The following ALG9 variants were observed in gnomAD, a reference collection of about 807,000 sequenced individuals.
ALG9 encodes the protein alpha-1,2-mannosyltransferase ALG9.
Under a neutral mutation model 81.8 loss-of-function variants are expected in ALG9, and 55 were observed. That is an observed-to-expected ratio of 0.67 (90% CI 0.54 to 0.84). ALG9 has a LOEUF of 0.84. Ranked by LOEUF, ALG9 falls within the 40% of genes least tolerant of loss-of-function variation. ALG9 has a pLI of 0.00. For missense variants in ALG9, 629 were observed against 745.0 expected (o/e 0.84, Z 1.81); for synonymous variants, 278 against 274.3 (o/e 1.01, Z -0.13).
intron 14 of ALG9, 96 bp from the exon 15 acceptor site, chr11:111,786,616 AG>A: frequency 7.4e-7 from 1 of 1,343,240 alleles, no homozygotes; most frequent in South Asian, 1.3e-5. Context: ...ATCTGTAGTA[AG>A]GATTATATTT....
chr11:111,838,446 A>C, intron 10 of ALG9, 47 bp from the exon 11 acceptor site: 3 of 1,527,518 alleles, frequency 2.0e-6, no homozygotes, highest in Non-Finnish European at 2.7e-6. Flanking sequence ...ATTACAAGAC[A>C]TCACAGTAAC....
At position 111,868,666 on chromosome 11, in the gene ALG9, T is replaced by C. The variant is rs1963279563; in HGVS notation, c.341A>G (p.Tyr114Cys). ...EYSPAYAIRS[Y>C]AYLLLHAWPA... ...CCAGGCATGAAGCAACAGGTAAGCA[T>C]AGGAGCGAATGGCATATGCTGGGGA... is the stretch of plus-strand genomic sequence containing the variant. The change falls in exon 3 of 15, where the codon TAT becomes TGT. Residue 114 changes from tyrosine (Y) to cysteine (C), a missense_variant. Coordinates refer to ENST00000616540, the MANE Select transcript of ALG9 (RefSeq NM_024740.2). The C allele has an allele frequency of 1.2e-6, 2 of 1,613,968 alleles. No homozygotes were observed. Among genetic ancestry groups the C allele is most frequent in the South Asian group, 1.1e-5 (1 of 91,084 alleles).
intron 14 of ALG9, among the ~76,000 whole-genome samples, chr11:111,790,410 C>T (rs1324259198): frequency 6.6e-6 from 1 of 152,082 alleles, no homozygotes; most frequent in Non-Finnish European, 1.5e-5. Context: ...GAAAGAATTG[C>T]TTGGGCCCAG....
intron 14 of ALG9, among the ~76,000 whole-genome samples, chr11:111,789,568 G>A (rs1237147007): frequency 6.6e-5 from 10 of 151,644 alleles, no homozygotes; most frequent in African/African-American, 2.4e-4. Flanking sequence ...TAGGTTGGAC[G>A]CGGTGGCTCA....
intron 14 of ALG9, among the ~76,000 whole-genome samples, chr11:111,791,512 T>C (rs1200953269): frequency 6.6e-6 from 1 of 152,254 alleles, no homozygotes; most frequent in African/African-American, 2.4e-5. Context: ...AAATACTCTG[T>C]GCATTCAGCA....
In ALG9 at chr11:111,870,711, C is replaced by T. The variant is rs934649445; in HGVS notation, c.132-341G>A. 34 of 1,033,296 alleles carry T rather than the reference C, an allele frequency of 3.3e-5. No homozygotes were observed. In the African/African-American group the frequency reaches 5.7e-4, roughly 17 times the overall value. 64.0% of individuals were successfully genotyped at this position (1,033,296 alleles called of 1,614,324 possible). Reference sequence around the variant, plus strand: ...TTCCTGCTTTTAAGGCATAAATTAACTCATACACTTTAGCTCAATGCATTT... The same window carrying T: ...TTCCTGCTTTTAAGGCATAAATTAATTCATACACTTTAGCTCAATGCATTT... On this transcript the variant is annotated intron_variant, in intron 1 of 14. Coordinates refer to ENST00000616540, the MANE Select transcript of ALG9 (RefSeq NM_024740.2).
chr11:111,797,086 ACG>A (rs1415192374), intron 14 of ALG9, among the ~76,000 whole-genome samples: 10 of 152,208 alleles, frequency 6.6e-5, no homozygotes, highest in African/African-American at 2.2e-4. Context: ...TGGATGGAGA[ACG>A]GCATTGCAAG....
At chr11:111,776,855 T>C in the ALG9 span, among the ~76,000 whole-genome samples, 7 of 152,208 alleles carry the variant, frequency 4.6e-5, no homozygotes, top group African/African-American at 9.6e-5. Context: ...TTTCAACCCA[T>C]GGCCTAGGCA....
intron 13 of ALG9, among the ~76,000 whole-genome samples, chr11:111,810,349 A>T (rs1384284399): frequency 9.2e-5 from 14 of 152,220 alleles, no homozygotes; most frequent in Admixed American, 3.3e-4. Context: ...TGTTAATACT[A>T]TGTATTACAT....
chr11:111,870,207 A>G, intron 2 of ALG9, 25 bp downstream of exon 2: 1 of 1,604,900 alleles, frequency 6.2e-7, no homozygotes, highest in African/African-American at 1.3e-5. Context: ...AAGAACAAAA[A>G]GAGAAAACTA....
chr11:111,810,934 C>T (rs1316556514), intron 13 of ALG9, among the ~76,000 whole-genome samples: 1 of 152,156 alleles, frequency 6.6e-6, no homozygotes, highest in East Asian at 1.9e-4. Context: ...GCTGTCACTA[C>T]TCTGTTCAGC....
chr11:111,796,082 T>G (rs1948241790), intron 14 of ALG9, among the ~76,000 whole-genome samples: 1 of 152,190 alleles, frequency 6.6e-6, no homozygotes, highest in Admixed American at 6.5e-5. Flanking sequence ...CTGGTAAGCT[T>G]TACAGAGATG....
downstream of ALG9, among the ~76,000 whole-genome samples, chr11:111,779,844 T>C (rs1945833898): frequency 6.6e-6 from 1 of 152,250 alleles, no homozygotes; most frequent in Non-Finnish European, 1.5e-5. Context: ...GACTATTTAT[T>C]CTACCAACCT....
chr11:111,809,614 G>A, intron 14 of ALG9, 29 bp downstream of exon 14: 1 of 1,613,412 alleles, frequency 6.2e-7, no homozygotes, highest in South Asian at 1.1e-5. Flanking sequence ...ACTAGTCCTG[G>A]AATATCCCAT....
rs1955678062 is a variant in ALG9 at position 111,838,393 on chromosome 11, A to C, written c.1180T>G (p.Phe394Val). The change falls in exon 11 of 15, where the codon TTT becomes GTT. Residue 394 changes from phenylalanine to valine, a missense_variant. Physicochemically the swap from Phe to Val is conservative, Grantham distance 50 (BLOSUM62 -1). Transcript: ENST00000616540. ...AVALSALQHSFLYFQKCYHFV... is the reference protein window; with the variant it reads ...AVALSALQHSVLYFQKCYHFV... ...TGGTAACATTTCTGGAAGTACAGAA[A>C]ACTGTGCTGATAAAAGAAAATATAA... 1 of 1,610,498 alleles carries C rather than the reference A, an allele frequency of 6.2e-7. No individual in the cohort carries two copies. The highest frequency in any genetic ancestry group is 1.3e-5 in the African/African-American group (1 of 74,858).
chr11:111,854,418 A>C (rs1555141809), intron 6 of ALG9, among the ~76,000 whole-genome samples: 1 of 151,832 alleles, frequency 6.6e-6, no homozygotes. Context: ...ACAGGTGTGC[A>C]CCACCACACC....
At chr11:111,819,404 G>C (rs1007007914) in intron 13 of ALG9, among the ~76,000 whole-genome samples, 1 of 152,210 alleles carries the variant, frequency 6.6e-6, no homozygotes, top group Non-Finnish European at 1.5e-5. Flanking sequence ...CCACACAGAA[G>C]ACAGATCTTA....
intron 13 of ALG9, among the ~76,000 whole-genome samples, chr11:111,828,184 A>G (rs547936240): frequency 1.3e-5 from 2 of 152,098 alleles, no homozygotes; most frequent in African/African-American, 4.8e-5. Flanking sequence ...ACAGAGCAAG[A>G]CTCCATCAAA....
At chr11:111,845,257 T>G (rs767063875) in intron 8 of ALG9, 29 of 161,822 alleles carry the variant, frequency 1.8e-4, no homozygotes, top group Non-Finnish European at 3.3e-4. Context: ...TGGGCTGTGG[T>G]CGTGCCGCTG....
Sources: gnomAD v4.1 joint callset for allele counts (sites outside exome capture counted in the v4.1 genomes callset) on GRCh38, gnomAD v4.1.1 for gene constraint, MANE v1.5 for transcripts, NCBI Gene and HGNC (gene_info 2026-07-23, HGNC 2026-07-21) for gene names.